SLAIN1: variants seen among roughly 807,000 people sequenced by gnomAD.
The protein encoded by SLAIN1 is SLAIN family member 1, also known as SLAIN motif-containing protein 1.
A neutral mutation model predicts 55.4 loss-of-function variants in SLAIN1; 17 were observed. The observed-to-expected ratio is 0.31, with a 90% CI of 0.21 to 0.46. The LOEUF is 0.46. Ranked by LOEUF, SLAIN1 falls within the 20% of genes least tolerant of loss-of-function variation. SLAIN1 has a pLI of 1.00. For synonymous variants in SLAIN1, 348 were observed against 337.4 expected (o/e 1.03, Z -0.35); for missense variants, 682 against 785.1 (o/e 0.87, Z 1.57).
chr13:77,741,077 A>T (rs1873403910), intron 2 of SLAIN1: 1 of 843,956 alleles, frequency 1.2e-6, no homozygotes. Flanking sequence ...GCTGGGTCAC[A>T]GTGGTTATTG....
In SLAIN1 at chr13:77,698,700, A is replaced by G. The variant is rs1291924530; in HGVS notation, c.626+161A>G. ...CCAGCAGGTGTTGAGCCAGGCGGTG[A>G]CACTTCCCACGATGAGGCTTCTCAT... is the stretch of plus-strand genomic sequence containing the variant. On this transcript the variant is annotated intron_variant, in intron 1 of 6. Coordinates refer to ENST00000418532, the MANE Select transcript of SLAIN1 (RefSeq NM_001242868.2). The surrounding 1 kb of genome is among the most constrained non-coding windows in gnomAD (Gnocchi z 4.1). 6.6e-6 allele frequency among the ~76,000 whole-genome samples: 1 copy of G among 152,130 alleles called. No homozygotes were observed. The highest frequency in any genetic ancestry group is 1.5e-5 in the Non-Finnish European group (1 of 68,000).
intron 2 of SLAIN1, among the ~76,000 whole-genome samples, chr13:77,726,052 C>T (rs192140652): frequency 6.6e-6 from 1 of 152,152 alleles, no homozygotes; most frequent in Non-Finnish European, 1.5e-5. Context: ...ACTTTTGACC[C>T]TGGACCTAGA....
At chr13:77,744,478 T>C in intron 3 of SLAIN1, 46 bp downstream of exon 3, 5 of 1,602,654 alleles carry the variant, frequency 3.1e-6, no homozygotes, top group South Asian at 1.1e-5. Context: ...CCACTTGGAA[T>C]ATACAGGCAG....
At chr13:77,737,941 G>C (rs538614679) in intron 2 of SLAIN1, among the ~76,000 whole-genome samples, 1 of 152,196 alleles carries the variant, frequency 6.6e-6, no homozygotes, top group Non-Finnish European at 1.5e-5. Context: ...ACAATAGTTA[G>C]TGCCTATTCA....
chr13:77,746,813 CA>C lies in SLAIN1; in HGVS notation c.1218del (p.Ala407ProfsTer23). On this transcript the variant is annotated frameshift_variant, in exon 4 of 7. Transcript: ENST00000418532. LOFTEE classifies it high-confidence loss of function. ...CCAGCAGCAACAGTATTATTCACCT[CA>C]AGCCCAAACTCCAGATCAGCAACCA... ...NYQQQQYYSPQAQTPDQQPNR... is the reference protein window; with the variant it reads ...NYQQQQYYSPXAQTPDQQPNR... 1 of 1,613,692 alleles carries C rather than the reference CA, an allele frequency of 6.2e-7. No individual in the cohort carries two copies. Among genetic ancestry groups the C allele is most frequent in the Non-Finnish European group, 8.5e-7 (1 of 1,179,732 alleles).
intron 1 of SLAIN1, among the ~76,000 whole-genome samples, chr13:77,702,003 T>C (rs1199777856): frequency 7.0e-6 from 1 of 143,796 alleles, no homozygotes; most frequent in Non-Finnish European, 1.5e-5. Context: ...CACCTATGAG[T>C]GAGAATATGC....
intron 1 of SLAIN1, among the ~76,000 whole-genome samples, chr13:77,717,773 G>A (rs1320800770): frequency 6.6e-6 from 1 of 152,130 alleles, no homozygotes; most frequent in Non-Finnish European, 1.5e-5. Flanking sequence ...GCATCACCTG[G>A]AAGCTGCTTA....
At chr13:77,757,839 C>T (rs1269220309) in intron 5 of SLAIN1, among the ~76,000 whole-genome samples, 2 of 152,076 alleles carry the variant, frequency 1.3e-5, no homozygotes, top group African/African-American at 4.8e-5. Context: ...GGTTGATGGG[C>T]ACTTAGGTTG....
intron 5 of SLAIN1, among the ~76,000 whole-genome samples, chr13:77,756,782 T>TG (rs1177127485): frequency 6.6e-6 from 1 of 152,142 alleles, no homozygotes; most frequent in African/African-American, 2.4e-5. Context: ...GAAGCCAGAT[T>TG]AAAAGGTTAA....
At chr13:77,718,412 A>G (rs1055796897) in intron 1 of SLAIN1, among the ~76,000 whole-genome samples, 1 of 152,166 alleles carries the variant, frequency 6.6e-6, no homozygotes, top group Non-Finnish European at 1.5e-5. Context: ...GACAGAGATC[A>G]TGTGGCTTAC....
chr13:77,755,068 T>G (rs1203693048), intron 5 of SLAIN1, among the ~76,000 whole-genome samples: 1 of 152,156 alleles, frequency 6.6e-6, no homozygotes, highest in African/African-American at 2.4e-5. Context: ...TGAAGAAATT[T>G]AGCTGATAGA....
At chr13:77,716,216 C>T (rs543111357) in intron 1 of SLAIN1, among the ~76,000 whole-genome samples, 1 of 151,754 alleles carries the variant, frequency 6.6e-6, no homozygotes, top group East Asian at 1.9e-4. Context: ...AAAAATCCTC[C>T]ATATATGTGT....
At position 77,698,647 on chromosome 13, in the gene SLAIN1, A is replaced by T. The variant is rs2090998856; in HGVS notation, c.626+108A>T. The T allele has an allele frequency of 2.3e-6, 3 of 1,297,150 alleles. No individual in the cohort carries two copies. Among genetic ancestry groups the T allele is most frequent in the African/African-American group, 1.5e-5 (1 of 64,690 alleles). The allele number at this position is 1,297,150 out of a possible 1,614,324, so 80.4% of individuals were successfully genotyped here. ...GGGTCCCCTCGCGGCAGCCGGGGTG[A>T]CTCCCCGCGGCTCCCGGAGGGGCCG... On this transcript the variant is annotated intron_variant, in intron 1 of 6. Coordinates refer to ENST00000418532, the MANE Select transcript of SLAIN1 (RefSeq NM_001242868.2). This position sits in a 1 kb window ranked among gnomAD's most constrained non-coding sequence, Gnocchi z 4.1.
intron 2 of SLAIN1, among the ~76,000 whole-genome samples, chr13:77,736,789 A>G (rs1006456245): frequency 6.7e-6 from 1 of 148,510 alleles, no homozygotes; most frequent in Admixed American, 6.7e-5. Flanking sequence ...CTTCTGCATT[A>G]GTCTTTTTTT....
intron 2 of SLAIN1, among the ~76,000 whole-genome samples, chr13:77,727,830 G>C (rs994514928): frequency 6.6e-6 from 1 of 152,188 alleles, no homozygotes; most frequent in Non-Finnish European, 1.5e-5. Flanking sequence ...AATATTGGAT[G>C]TGAAATTACT....
chr13:77,740,974 G>T (rs1873398281), intron 2 of SLAIN1, among the ~76,000 whole-genome samples: 1 of 152,004 alleles, frequency 6.6e-6, no homozygotes. Context: ...AAACAACAAT[G>T]TAGAGCATTC....
At chr13:77,713,090 C>G (rs1350795659) in intron 1 of SLAIN1, among the ~76,000 whole-genome samples, 1 of 152,066 alleles carries the variant, frequency 6.6e-6, no homozygotes, top group African/African-American at 2.4e-5. Flanking sequence ...AACGTAAGAC[C>G]TAAAACCGTA....
chr13:77,719,564 C>T lies in SLAIN1; in HGVS notation c.659C>T (p.Ser220Leu). The T allele has an allele frequency of 6.2e-7, 1 of 1,613,178 alleles. No homozygotes were observed. Among genetic ancestry groups the T allele is most frequent in the East Asian group, 2.2e-5 (1 of 44,860 alleles). Residue 220 changes from serine (S) to leucine (L), a missense_variant, in exon 2 of 7, where the codon TCA becomes TTA. Ser to Leu is a moderately radical substitution (Grantham distance 145, BLOSUM62 -2). This residue lies in a region of SLAIN1 where 401 missense variants were observed against 417.3 expected (regional missense o/e 0.96). Coordinates refer to ENST00000418532, the MANE Select transcript of SLAIN1 (RefSeq NM_001242868.2). ...ATTGGCTCTTCAAAGACGTTCACCT[C>T]ATCAGAGAAATCCCTGACTCCTTTG... ...LYIGSSKTFT[S>L]SEKSLTPLQW... is the part of the protein sequence containing the mutation.
rs981011636 is a variant in SLAIN1 at position 77,697,755 on chromosome 13, G to T, written c.-159G>T. ...GGTGGCTGCCGCGGCCGGAGGCGAG[G>T]GCCCGGTGCTGATGCGAACCGCCGG... is the stretch of plus-strand genomic sequence containing the variant. On this transcript the variant is annotated 5_prime_UTR_variant, in exon 1 of 7. Transcript: ENST00000418532. 1.7e-6 allele frequency: 1 copy of T among 604,692 alleles called. No individual in the cohort carries two copies. Among genetic ancestry groups the T allele is most frequent in the African/African-American group, 2.0e-5 (1 of 50,788 alleles). 37.5% of individuals were successfully genotyped at this position (604,692 alleles called of 1,614,324 possible). A position where few individuals can be genotyped will look rare whatever the true frequency, so the allele number is the denominator to read the frequency against.
Sources: allele counts gnomAD v4.1 joint callset (sites outside exome capture counted in the v4.1 genomes callset), GRCh38; gene constraint gnomAD v4.1.1; regional missense constraint gnomAD v4.1.1; non-coding constraint Gnocchi (gnomAD v3.1); transcripts MANE v1.5; gene names NCBI Gene and HGNC (gene_info 2026-07-23, HGNC 2026-07-21).